Variants in MS4A4A observed in about 807,000 individuals in gnomAD.
MS4A4A encodes the protein membrane-spanning 4-domains subfamily A member 4A.
MS4A4A carries 26 observed loss-of-function variants against 28.0 expected under a neutral mutation model. The observed-to-expected ratio is 0.93, with a 90% CI of 0.68 to 1.29. The LOEUF (loss-of-function observed/expected upper bound fraction) is 1.29. Ranked by LOEUF, MS4A4A falls within the 50% of genes most tolerant of loss-of-function variation. The pLI is 0.00. For synonymous variants in MS4A4A, 86 were observed against 100.8 expected (o/e 0.85, Z 0.88); for missense variants, 290 against 293.1 (o/e 0.99, Z 0.08).
intron 3 of MS4A4A, among the ~76,000 whole-genome samples, chr11:60,299,998 TG>T (rs1227287252): frequency 6.6e-6 from 1 of 152,226 alleles, no homozygotes; most frequent in African/African-American, 2.4e-5. Flanking sequence ...TTCCCTCTAG[TG>T]GTTTTATTCC....
At chr11:60,302,416 C>A in intron 4 of MS4A4A, 143 bp from the exon 5 acceptor site, 1 of 841,502 alleles carries the variant, frequency 1.2e-6, no homozygotes, top group Non-Finnish European at 1.8e-6. Flanking sequence ...AGAGTTGAAA[C>A]CACAAGACAA....
chr11:60,282,476 A>G (rs1038126611), intron 1 of MS4A4A: 32 of 853,202 alleles, frequency 3.8e-5, no homozygotes, highest in African/African-American at 9.0e-5. Flanking sequence ...ACTAATCCAC[A>G]TGTGGGCAAT....
intron 1 of MS4A4A, among the ~76,000 whole-genome samples, chr11:60,290,735 G>A (rs967029780): frequency 1.8e-4 from 27 of 151,384 alleles, no homozygotes; most frequent in East Asian, 1.2e-3. Flanking sequence ...TCATTTTAAC[G>A]TTTCTCCTCT....
chr11:60,299,673 C>T (rs1250698178), intron 3 of MS4A4A, among the ~76,000 whole-genome samples: 1 of 151,898 alleles, frequency 6.6e-6, no homozygotes, highest in Non-Finnish European at 1.5e-5. Context: ...CGGGGTTTCA[C>T]TGTGGTCTCG....
rs186406974 is a variant in MS4A4A at position 60,305,107 on chromosome 11, C to T, written c.547-993C>T. Among the ~76,000 whole-genome samples the T allele has an allele frequency of 4.9e-3, 740 of 152,232 alleles. 26 individuals carry two copies. Among genetic ancestry groups the T allele is most frequent in the Non-Finnish European group, 7.2e-4 (49 of 68,008 alleles). On this transcript the variant is annotated intron_variant, in intron 5 of 6. Coordinates refer to ENST00000337908, the MANE Select transcript of MS4A4A (RefSeq NM_148975.3). Reference sequence around the variant, plus strand: ...AAACCAGATAATCCCTGCATCAATCCGGGGGAAAATTAATAGAAATAAGTG... The same window carrying T: ...AAACCAGATAATCCCTGCATCAATCTGGGGGAAAATTAATAGAAATAAGTG...
chr11:60,280,750 G>A, intron 1 of MS4A4A, 34 bp downstream of exon 1: 2 of 1,611,994 alleles, frequency 1.2e-6, no homozygotes, highest in South Asian at 1.1e-5. Context: ...TAGGCTTTCG[G>A]GCTGATGGCT....
intron 1 of MS4A4A, among the ~76,000 whole-genome samples, chr11:60,287,992 G>A (rs961402698): frequency 3.9e-5 from 6 of 152,176 alleles, no homozygotes; most frequent in African/African-American, 1.4e-4. Context: ...TATCTTTGCT[G>A]GGCTCAGTCC....
At chr11:60,303,491 T>C (rs965731513) in intron 5 of MS4A4A, among the ~76,000 whole-genome samples, 2 of 152,136 alleles carry the variant, frequency 1.3e-5, no homozygotes, top group Admixed American at 1.3e-4. Flanking sequence ...GTGGGTCACC[T>C]GAGGTCAGGA....
intron 5 of MS4A4A, 94 bp from the exon 6 acceptor site, chr11:60,306,006 A>G: frequency 2.9e-6 from 3 of 1,050,002 alleles, no homozygotes; most frequent in Non-Finnish European, 4.3e-6. Context: ...ACTCCCAGCC[A>G]GTGCTTTTTC....
At chr11:60,291,845 T>G (rs2084859897) in intron 1 of MS4A4A, among the ~76,000 whole-genome samples, 1 of 151,374 alleles carries the variant, frequency 6.6e-6, no homozygotes, top group African/African-American at 2.4e-5. Context: ...TAATCCTTTG[T>G]GGGTAAGTGG....
At chr11:60,290,210 A>T in intron 1 of MS4A4A, 1 of 330,576 alleles carries the variant, frequency 3.0e-6, no homozygotes, top group Admixed American at 3.1e-5. Context: ...GACAGTTATC[A>T]ACTGATGTAT....
intron 4 of MS4A4A, among the ~76,000 whole-genome samples, chr11:60,302,023 A>G (rs1180605794): frequency 1.3e-5 from 2 of 151,554 alleles, no homozygotes; most frequent in Non-Finnish European, 2.9e-5. Context: ...CAGATTATCC[A>G]CCCCGCTTCG....
rs1337707849 is a variant in MS4A4A at position 60,280,680 on chromosome 11, A to G, written c.5A>G (p.His2Arg). The G allele has an allele frequency of 6.2e-7, 1 of 1,613,688 alleles. No individual in the cohort carries two copies. The highest frequency in any genetic ancestry group is 8.5e-7 in the Non-Finnish European group (1 of 1,179,758). Residue 2 changes from histidine (H) to arginine (R), a missense_variant, in exon 1 of 7, where the codon CAT (histidine) becomes CGT (arginine). Physicochemically the swap from His to Arg is conservative, Grantham distance 29 (BLOSUM62 0). Coordinates refer to ENST00000337908, the MANE Select transcript of MS4A4A (RefSeq NM_148975.3). Reference sequence around the variant, plus strand: ...GGAACTTGCCCAGAGCCCTGCATGCATCAGACCTACAGCAGACATTGCAGG... The same window carrying G: ...GGAACTTGCCCAGAGCCCTGCATGCGTCAGACCTACAGCAGACATTGCAGG... M[H>R]QTYSRHCRPE...
Position 60,297,282 on chromosome 11 carries a change from C to T in MS4A4A, c.287C>T (p.Pro96Leu). The change falls in exon 3 of 7, where the codon CCT becomes CTT. Residue 96 changes from proline (P) to leucine (L), a missense_variant. Physicochemically the swap from Pro to Leu is moderately conservative, Grantham distance 98. Transcript: ENST00000337908. The stretch of plus-strand genomic sequence containing the variant: ...GCATCTAATACTTATGGAAGTAACC[C>T]TATTTCCGTGTATATCGGGTACACA... Reference protein sequence around the residue: ...CMASNTYGSNPISVYIGYTIW... With the variant: ...CMASNTYGSNLISVYIGYTIW... 3 of 1,613,486 alleles carry T rather than the reference C, an allele frequency of 1.9e-6. No homozygotes were observed. Among genetic ancestry groups the T allele is most frequent in the South Asian group, 1.1e-5 (1 of 91,068 alleles).
chr11:60,300,978 T>G, intron 3 of MS4A4A, 23 bp from the exon 4 acceptor site: 1 of 1,574,944 alleles, frequency 6.3e-7, no homozygotes. Context: ...GTTTTTTACC[T>G]TCATTTTTTC....
chr11:60,292,441 C>A, intron 2 of MS4A4A, 57 bp downstream of exon 2: 1 of 1,489,788 alleles, frequency 6.7e-7, no homozygotes, highest in Non-Finnish European at 9.0e-7. Flanking sequence ...TTTCATAAGA[C>A]CTAATGCCAA....
intron 1 of MS4A4A, among the ~76,000 whole-genome samples, chr11:60,281,232 T>A (rs7930538): frequency 1.5e-4 from 23 of 152,080 alleles, no homozygotes; most frequent in Admixed American, 3.3e-4. Context: ...AGTTCTCCAG[T>A]GGTCTTTGGC....
intron 1 of MS4A4A, among the ~76,000 whole-genome samples, chr11:60,289,158 G>A (rs921320913): frequency 6.6e-6 from 1 of 152,156 alleles, no homozygotes. Context: ...GCAGTGATTC[G>A]TTTCCAAGAA....
At chr11:60,293,184 A>G (rs2084873072) in intron 2 of MS4A4A, among the ~76,000 whole-genome samples, 1 of 151,948 alleles carries the variant, frequency 6.6e-6, no homozygotes, top group Non-Finnish European at 1.5e-5. Flanking sequence ...CAGCCTCCTG[A>G]GTAGTTGGGA....
Sources: gnomAD v4.1 joint callset for allele counts (sites outside exome capture counted in the v4.1 genomes callset) on GRCh38, gnomAD v4.1.1 for gene constraint, MANE v1.5 for transcripts, NCBI Gene and HGNC (gene_info 2026-07-23, HGNC 2026-07-21) for gene names.